TTLL11: variants seen among roughly 807,000 people sequenced by gnomAD.
The protein encoded by TTLL11 is tubulin polyglutamylase TTLL11.
TTLL11 carries 42 observed loss-of-function variants against 51.7 expected under a neutral mutation model. The ratio of observed to expected loss-of-function variants is 0.81; its 90% CI spans 0.64 to 1.05. The LOEUF (loss-of-function observed/expected upper bound fraction) is 1.05. Among genes scored for constraint, TTLL11 ranks in the 50% least tolerant of loss-of-function variants. The pLI, the probability that TTLL11 is intolerant of heterozygous loss-of-function variation, is 0.00. For missense variants in TTLL11, 799 were observed against 940.4 expected, an observed-to-expected ratio of 0.85 and a Z score of 1.97; for synonymous variants, 381 against 383.5, an observed-to-expected ratio of 0.99 and a Z score of 0.08.
chr9:121,979,677 T>C (rs751268539), intron 4 of TTLL11, among the ~76,000 whole-genome samples: 3 of 152,118 alleles, frequency 2.0e-5, no homozygotes, highest in Non-Finnish European at 4.4e-5. Flanking sequence ...AACTTGCTCC[T>C]CTAATTCATC....
At chr9:121,826,927 C>A (rs1836828389) in intron 8 of TTLL11, among the ~76,000 whole-genome samples, 1 of 151,980 alleles carries the variant, frequency 6.6e-6, no homozygotes, top group African/African-American at 2.4e-5. Context: ...CAGGGGCCTG[C>A]CACAGGACAG....
intron 3 of TTLL11, among the ~76,000 whole-genome samples, chr9:121,996,958 G>A (rs941965921): frequency 4.6e-5 from 7 of 152,174 alleles, no homozygotes; most frequent in Non-Finnish European, 7.4e-5. Context: ...TCTGGGCCAC[G>A]CTGCCCTTTC....
intron 6 of TTLL11, among the ~76,000 whole-genome samples, chr9:121,895,742 C>CGTGT (rs200076604): frequency 0.19 from 23 of 124 alleles, 4 homozygotes; most frequent in African/African-American, 0.27. Flanking sequence ...TGTGTGCGTC[C>CGTGT]GTGTGGTTGT....
At chr9:121,824,252 G>A (rs531345264) in intron 8 of TTLL11, among the ~76,000 whole-genome samples, 11 of 152,166 alleles carry the variant, frequency 7.2e-5, no homozygotes, top group East Asian at 3.9e-4. Flanking sequence ...CGAGGTGGGC[G>A]GATCACGAGG....
intron 6 of TTLL11, among the ~76,000 whole-genome samples, chr9:121,926,837 G>C (rs55691776): frequency 6.6e-6 from 1 of 152,340 alleles, no homozygotes; most frequent in East Asian, 1.9e-4. Flanking sequence ...GGGTGGCACA[G>C]AAACAATAGA....
chr9:121,972,143 A>G (rs1292152885), intron 6 of TTLL11, among the ~76,000 whole-genome samples: 11 of 152,172 alleles, frequency 7.2e-5, no homozygotes, highest in Admixed American at 7.2e-4. Flanking sequence ...AGAAAAAAAA[A>G]AAAAAAGAAT....
At chr9:121,895,278 ATGTTTGTGTG>A (rs1358713010) in intron 6 of TTLL11, among the ~76,000 whole-genome samples, 2 of 150,916 alleles carry the variant, frequency 1.3e-5, no homozygotes, top group Non-Finnish European at 3.0e-5. Context: ...TGTGTGAGCT[ATGTTTGTGTG>A]TGTTTGTGTA....
intron 3 of TTLL11, among the ~76,000 whole-genome samples, chr9:122,006,666 T>C (rs1026994661): frequency 6.6e-6 from 1 of 152,204 alleles, no homozygotes; most frequent in Admixed American, 6.5e-5. Flanking sequence ...CATTTACTTA[T>C]TGAATTGTAT....
At chr9:121,998,825 G>GT (rs1843371136) in intron 3 of TTLL11, among the ~76,000 whole-genome samples, 1 of 152,000 alleles carries the variant, frequency 6.6e-6, no homozygotes, top group African/African-American at 2.4e-5. Flanking sequence ...TTGTTTGTTT[G>GT]TTTATTGTCT....
chr9:121,825,058 T>C (rs930198040), intron 8 of TTLL11, among the ~76,000 whole-genome samples: 5 of 152,220 alleles, frequency 3.3e-5, no homozygotes, highest in African/African-American at 1.2e-4. Flanking sequence ...AAATGGGTTT[T>C]ACACCAGGGT....
intron 3 of TTLL11, among the ~76,000 whole-genome samples, chr9:122,013,565 A>C (rs1372029453): frequency 6.6e-6 from 1 of 152,246 alleles, no homozygotes; most frequent in African/African-American, 2.4e-5. Context: ...AGGAGCCAAC[A>C]GGAAGGATGC....
intron 6 of TTLL11, among the ~76,000 whole-genome samples, chr9:121,910,240 G>T (rs975550494): frequency 6.6e-6 from 1 of 152,174 alleles, no homozygotes; most frequent in Non-Finnish European, 1.5e-5. Context: ...TTTTGCAAAT[G>T]ACCTTGACCC....
chr9:121,949,016 A>C (rs1322614867), intron 6 of TTLL11, among the ~76,000 whole-genome samples: 1 of 152,176 alleles, frequency 6.6e-6, no homozygotes, highest in Non-Finnish European at 1.5e-5. Context: ...AATGACCTTC[A>C]GGCAGGCTGG....
In TTLL11 at chr9:121,944,296, T is replaced by A. The variant is rs1408123025; in HGVS notation, c.1481+29713A>T. The stretch of plus-strand genomic sequence containing the variant: ...GCCAAGGCGGGCAGATCATTTGAGA[T>A]CAGAAGTTTGAGACCAGCCCGGCCA... On this transcript the variant is annotated intron_variant, in intron 6 of 8. Coordinates refer to ENST00000321582, the MANE Select transcript of TTLL11 (RefSeq NM_001139442.2). 5.3e-5 allele frequency among the ~76,000 whole-genome samples: 8 copies of A among 152,070 alleles called. No homozygotes were observed. In the East Asian group the frequency reaches 1.5e-3, roughly 29 times the overall value.
chr9:121,899,864 A>G (rs1588110254), intron 6 of TTLL11, among the ~76,000 whole-genome samples: 1 of 152,246 alleles, frequency 6.6e-6, no homozygotes, highest in Non-Finnish European at 1.5e-5. Context: ...CATGCTTGGT[A>G]AACACATGTT....
chr9:121,992,329 T>A (rs1843140357), intron 3 of TTLL11, among the ~76,000 whole-genome samples: 1 of 152,240 alleles, frequency 6.6e-6, no homozygotes, highest in Admixed American at 6.5e-5. Flanking sequence ...TATTCAAGAA[T>A]GACCCTTTCC....
chr9:121,871,482 G>A (rs886544546), intron 6 of TTLL11, among the ~76,000 whole-genome samples: 9 of 151,996 alleles, frequency 5.9e-5, no homozygotes, highest in African/African-American at 2.2e-4. Context: ...AATAAATGCC[G>A]ACTCCTCCTC....
intron 1 of TTLL11, among the ~76,000 whole-genome samples, chr9:122,046,870 C>T (rs116616088): frequency 1.3e-5 from 2 of 152,186 alleles, no homozygotes; most frequent in African/African-American, 4.8e-5. Context: ...CAGAACAACA[C>T]AATCTGAGTT....
At chr9:121,932,373 C>T (rs1225557419) in intron 6 of TTLL11, among the ~76,000 whole-genome samples, 1 of 152,170 alleles carries the variant, frequency 6.6e-6, no homozygotes, top group Non-Finnish European at 1.5e-5. Flanking sequence ...TCTCCTGCAC[C>T]TGCATCCTTC....
Sources: allele counts gnomAD v4.1 joint callset (sites outside exome capture counted in the v4.1 genomes callset), GRCh38; gene constraint gnomAD v4.1.1; transcripts MANE v1.5; gene names NCBI Gene and HGNC (gene_info 2026-07-23, HGNC 2026-07-21).